WDR72: variants seen among roughly 807,000 people sequenced by gnomAD.
WDR72 encodes the protein WD repeat domain 72, also known as WD repeat-containing protein 72.
A neutral mutation model predicts 124.2 loss-of-function variants in WDR72; 120 were observed. The ratio of observed to expected loss-of-function variants is 0.97; its 90% CI spans 0.83 to 1.12. WDR72 has a LOEUF of 1.12. Ranked by LOEUF, WDR72 falls within the 50% of genes most tolerant of loss-of-function variation. The probability of loss-of-function intolerance (pLI) is 0.00; values close to 1 mark genes in which losing one functional copy is unlikely to be tolerated. For synonymous variants in WDR72, 452 were observed against 441.7 expected, an observed-to-expected ratio of 1.02 and a Z score of -0.29; for missense variants, 1,387 against 1,278.8, an observed-to-expected ratio of 1.08 and a Z score of -1.29.
At chr15:53,630,584 A>G (rs543863760) in intron 14 of WDR72, among the ~76,000 whole-genome samples, 1 of 152,354 alleles carries the variant, frequency 6.6e-6, no homozygotes, top group South Asian at 2.1e-4. Context: ...ATAACGTATC[A>G]TATTAATAGA....
intron 12 of WDR72, among the ~76,000 whole-genome samples, chr15:53,700,675 A>G (rs1020418689): frequency 6.6e-6 from 1 of 152,122 alleles, no homozygotes; most frequent in Non-Finnish European, 1.5e-5. Context: ...CCCATTACTC[A>G]TCATTAACCT....
At chr15:53,702,051 G>C in intron 12 of WDR72, 83 bp downstream of exon 12, 1 of 1,005,226 alleles carries the variant, frequency 9.9e-7, no homozygotes, top group Non-Finnish European at 1.4e-6. Context: ...TGGAAATATG[G>C]GTCATTTTTA....
At chr15:53,654,373 G>T (rs928920330) in intron 14 of WDR72, among the ~76,000 whole-genome samples, 1 of 152,038 alleles carries the variant, frequency 6.6e-6, no homozygotes, top group African/African-American at 2.4e-5. Flanking sequence ...GAGAAGTAAG[G>T]GCCCATATCC....
rs576549737 is a variant in WDR72 at position 53,701,154 on chromosome 15, C to T, written c.1569+980G>A. 3.9e-5 allele frequency among the ~76,000 whole-genome samples: 6 copies of T among 152,168 alleles called. No individual in the cohort carries two copies. The South Asian group carries it at 8.3e-4, about 21-fold the overall frequency. On this transcript the variant is annotated intron_variant, in intron 12 of 19. Transcript: ENST00000360509. ...TTTCATGAGAAAATTCTACCTAAAG[C>T]GATTTCATTTTGCCCATAACAAGGT... is the stretch of plus-strand genomic sequence containing the variant.
intron 13 of WDR72, among the ~76,000 whole-genome samples, chr15:53,686,014 A>G (rs1339323733): frequency 1.3e-5 from 2 of 149,820 alleles, no homozygotes; most frequent in Non-Finnish European, 2.9e-5. Flanking sequence ...AAATGCTGAG[A>G]GATTTTGTCA....
At chr15:53,651,424 G>A (rs576411262) in intron 14 of WDR72, among the ~76,000 whole-genome samples, 20 of 152,300 alleles carry the variant, frequency 1.3e-4, no homozygotes, top group Admixed American at 6.5e-4. Flanking sequence ...AAATGTAAGT[G>A]CCATGGGCAC....
chr15:53,667,817 A>T (rs530431994), intron 13 of WDR72, among the ~76,000 whole-genome samples: 5 of 152,342 alleles, frequency 3.3e-5, no homozygotes, highest in Non-Finnish European at 7.3e-5. Context: ...CAAAATGTAT[A>T]CATTTTATAT....
chr15:53,553,207 C>A (rs1293501058), intron 18 of WDR72, among the ~76,000 whole-genome samples: 1 of 152,036 alleles, frequency 6.6e-6, no homozygotes, highest in Non-Finnish European at 1.5e-5. Context: ...AAAATTCAAC[C>A]AACTAGAATA....
At chr15:53,566,241 C>T (rs1906429) in intron 18 of WDR72, among the ~76,000 whole-genome samples, 93,732 of 151,764 alleles carry the variant, frequency 0.62, 31,202 homozygotes, top group Middle Eastern at 0.83. Context: ...CTGGTAGTAG[C>T]ACATGGCAAA....
rs576777977 is a variant in WDR72 at position 53,543,888 on chromosome 15, C to T, written c.3149-20566G>A. Among the ~76,000 whole-genome samples the T allele has an allele frequency of 1.3e-4, 20 of 152,250 alleles. 1 individual carries two copies. Among genetic ancestry groups the T allele is most frequent in the South Asian group, 4.2e-4 (2 of 4,814 alleles). ...CCTCTACAAACTACAAACACCTCTACGCAAATAAACTAGAAAATCTAGAAG... is the reference window on the plus strand; with the variant it reads ...CCTCTACAAACTACAAACACCTCTATGCAAATAAACTAGAAAATCTAGAAG... On this transcript the variant is annotated intron_variant, in intron 18 of 19. Coordinates refer to ENST00000360509, the MANE Select transcript of WDR72 (RefSeq NM_182758.4).
At chr15:53,532,477 C>T (rs769433807) in intron 18 of WDR72, among the ~76,000 whole-genome samples, 20 of 152,104 alleles carry the variant, frequency 1.3e-4, no homozygotes, top group Non-Finnish European at 2.8e-4. Context: ...GAATGAACTT[C>T]TGTCATTTGC....
intron 17 of WDR72, among the ~76,000 whole-genome samples, chr15:53,597,974 C>A (rs1016617991): frequency 6.6e-6 from 1 of 152,074 alleles, no homozygotes; most frequent in African/African-American, 2.4e-5. Flanking sequence ...CCTTCTGATC[C>A]CTGATTCTAT....
At chr15:53,653,006 C>A (rs2015294902) in intron 14 of WDR72, among the ~76,000 whole-genome samples, 1 of 142,906 alleles carries the variant, frequency 7.0e-6, no homozygotes, top group Admixed American at 7.1e-5. Context: ...CTATTATTGA[C>A]TATTTTTTGC....
intron 18 of WDR72, among the ~76,000 whole-genome samples, chr15:53,537,350 T>A (rs1027365516): frequency 2.6e-5 from 4 of 152,172 alleles, no homozygotes; most frequent in African/African-American, 4.8e-5. Flanking sequence ...TTCTTATAAG[T>A]GTTTCCTTCA....
chr15:53,703,128 G>A (rs80349033), intron 11 of WDR72, among the ~76,000 whole-genome samples: 3,950 of 152,022 alleles, frequency 0.026, 86 homozygotes, highest in African/African-American at 0.053. Context: ...TGCTCACACT[G>A]GTCTCAAACT....
At chr15:53,631,681 G>C (rs1243703333) in intron 14 of WDR72, among the ~76,000 whole-genome samples, 1 of 152,182 alleles carries the variant, frequency 6.6e-6, no homozygotes, top group African/African-American at 2.4e-5. Context: ...TGGAAATGGG[G>C]AACTTATTGG....
chr15:53,643,732 ATCTGTGTGTGTGCG>A (rs143473184), intron 14 of WDR72, among the ~76,000 whole-genome samples: 11,779 of 151,906 alleles, frequency 0.078, 1,515 homozygotes, highest in African/African-American at 0.27. Flanking sequence ...GCGTGTATGT[ATCTGTGTGTGTGCG>A]TGTGTGTGTA....
intron 1 of WDR72, among the ~76,000 whole-genome samples, chr15:53,751,737 T>C (rs929119370): frequency 6.6e-6 from 1 of 152,130 alleles, no homozygotes; most frequent in Non-Finnish European, 1.5e-5. Context: ...AATTATCTAT[T>C]GCACCCAGCC....
intron 13 of WDR72, among the ~76,000 whole-genome samples, chr15:53,681,564 T>C (rs527355138): frequency 1.3e-5 from 2 of 152,306 alleles, no homozygotes; most frequent in East Asian, 3.9e-4. Context: ...AGCCAGTATT[T>C]TCTTTACTAA....
Sources: gnomAD v4.1 joint callset for allele counts (sites outside exome capture counted in the v4.1 genomes callset) on GRCh38, gnomAD v4.1.1 for gene constraint, MANE v1.5 for transcripts, NCBI Gene and HGNC (gene_info 2026-07-23, HGNC 2026-07-21) for gene names.